Variants in ZFHX3 observed in about 807,000 individuals in gnomAD.
The protein encoded by ZFHX3 is zinc finger homeobox protein 3.
In ZFHX3, 42 loss-of-function variants were observed where a neutral mutation model predicts 279.1. The ratio of observed to expected loss-of-function variants is 0.15; its 90% CI spans 0.12 to 0.19. The LOEUF is 0.19. ZFHX3 is among the 10% of genes least tolerant of loss of function. The pLI, the probability that ZFHX3 is intolerant of heterozygous loss-of-function variation, is 1.00. For missense variants in ZFHX3, 4,981 were observed against 4,754.0 expected (o/e 1.05, Z -1.40); for synonymous variants, 2,293 against 1,957.8 (o/e 1.17, Z -4.52).
intron 5 of ZFHX3, among the ~76,000 whole-genome samples, chr16:73,192,156 C>G (rs1968053287): frequency 6.6e-6 from 1 of 152,162 alleles, no homozygotes; most frequent in South Asian, 2.1e-4. Flanking sequence ...TTCCCTCCAG[C>G]TCTGGAAGTC....
At chr16:73,679,706 T>C (rs1043828550) in intron 2 of ZFHX3, 3 of 152,196 alleles carry the variant, frequency 2.0e-5, no homozygotes, top group African/African-American at 7.2e-5. Context: ...ACAATCAGAA[T>C]CCAGAGTTGT....
In ZFHX3 at chr16:72,798,071, C is replaced by T; in HGVS notation, c.4611G>A (p.Lys1537=). 1 of 1,614,192 alleles carries T rather than the reference C, an allele frequency of 6.2e-7. No individual in the cohort carries two copies. Among genetic ancestry groups the T allele is most frequent in the Non-Finnish European group, 8.5e-7 (1 of 1,180,022 alleles). ...FRKGPNFTME[K]FLDPSRPYKC... The stretch of plus-strand genomic sequence containing the variant: ...TGTAAGGGCGAGAAGGGTCTAGGAA[C>T]TTTTCCATAGTAAAATTGGGACCTT... Residue 1537 remains lysine (K), a synonymous_variant, in exon 9 of 10, where the codon AAG becomes AAA. Transcript: ENST00000268489.
chr16:73,475,257 G>C (rs1431845335), intron 2 of ZFHX3, among the ~76,000 whole-genome samples: 1 of 151,900 alleles, frequency 6.6e-6, no homozygotes, highest in Non-Finnish European at 1.5e-5. Flanking sequence ...CGATATTCGT[G>C]GACTTACAAA....
chr16:73,330,460 G>T (rs574330988), intron 3 of ZFHX3, among the ~76,000 whole-genome samples: 36 of 152,216 alleles, frequency 2.4e-4, no homozygotes, highest in Non-Finnish European at 4.0e-4. Flanking sequence ...TGCATGTGCT[G>T]CAAGACAGTC....
Position 73,439,886 on chromosome 16 carries a change from G to C in ZFHX3, c.-1291+16117C>G, listed in dbSNP as rs137958184. ...AGAGGCCCCTGGCAGCTGACTGTCA[G>C]TGGGGCAGGAAGGGGAGAGGGACAA... On this transcript the variant is annotated intron_variant, in intron 3 of 17. Coordinates refer to the ZFHX3 transcript ENST00000641206. Among the ~76,000 whole-genome samples the C allele has an allele frequency of 7.9e-3, 1,015 of 129,176 alleles. 14 individuals are homozygous for C. Among genetic ancestry groups the C allele is most frequent in the African/African-American group, 0.027 (945 of 35,008 alleles). 84.7% of individuals were successfully genotyped at this position (129,176 alleles called of 152,430 possible).
chr16:73,544,795 G>A lies in ZFHX3; in HGVS notation c.-1546-88537C>T, dbSNP rs149378993. On this transcript the variant is annotated intron_variant, in intron 2 of 17. Coordinates refer to the ZFHX3 transcript ENST00000641206. ...TGGGAGTCACCTCCCAGTCCACCTG[G>A]GGGACACTTCTTCTGGGTTCCCCGG... Among the ~76,000 whole-genome samples, 1,174 of 152,190 alleles carry A rather than the reference G, an allele frequency of 7.7e-3. 5 individuals carry two copies. The highest frequency in any genetic ancestry group is 0.031 in the Middle Eastern group (9 of 294).
At chr16:73,804,326 A>G (rs921010415) in intron 1 of ZFHX3, among the ~76,000 whole-genome samples, 3 of 152,350 alleles carry the variant, frequency 2.0e-5, no homozygotes, top group Admixed American at 6.5e-5. Flanking sequence ...ACTGAAAAAC[A>G]AAAACTACAC....
At chr16:72,892,518 T>A (rs2038798863) in intron 3 of ZFHX3, among the ~76,000 whole-genome samples, 1 of 151,856 alleles carries the variant, frequency 6.6e-6, no homozygotes, top group Non-Finnish European at 1.5e-5. Context: ...TGGTTTTTTT[T>A]TTTTTTTGAG....
intron 1 of ZFHX3, among the ~76,000 whole-genome samples, chr16:73,783,175 C>T (rs1198305099): frequency 6.6e-6 from 1 of 152,168 alleles, no homozygotes; most frequent in African/African-American, 2.4e-5. Flanking sequence ...AGATGAGCCA[C>T]CCCAGGCACA....
At chr16:72,943,089 T>G (rs1396912142) in intron 3 of ZFHX3, among the ~76,000 whole-genome samples, 1 of 152,184 alleles carries the variant, frequency 6.6e-6, no homozygotes, top group Admixed American at 6.5e-5. Flanking sequence ...CGTAAGAGAA[T>G]GGAGAATGAG....
At chr16:73,422,400 A>T (rs1003423294) in intron 3 of ZFHX3, among the ~76,000 whole-genome samples, 1 of 152,174 alleles carries the variant, frequency 6.6e-6, no homozygotes, top group Non-Finnish European at 1.5e-5. Flanking sequence ...CTTTTTTAGT[A>T]ATACCAATTC....
At chr16:73,037,710 C>A (rs1964962798) in intron 1 of ZFHX3, among the ~76,000 whole-genome samples, 1 of 152,092 alleles carries the variant, frequency 6.6e-6, no homozygotes, top group Non-Finnish European at 1.5e-5. Context: ...GTGACACAGC[C>A]CAGGGCACCC....
chr16:73,560,559 T>C (rs1048036584), intron 2 of ZFHX3, among the ~76,000 whole-genome samples: 2 of 152,170 alleles, frequency 1.3e-5, no homozygotes, highest in African/African-American at 2.4e-5. Context: ...ATCATCTTAA[T>C]TGCTAGGCGG....
At chr16:73,009,216 AAAAAG>A (rs1963825942) in intron 1 of ZFHX3, among the ~76,000 whole-genome samples, 1 of 152,282 alleles carries the variant, frequency 6.6e-6, no homozygotes, top group African/African-American at 2.4e-5. Flanking sequence ...GTGCCAAGTT[AAAAAG>A]AAAAGAAAAA....
chr16:73,261,188 T>C (rs2013814331), intron 4 of ZFHX3, among the ~76,000 whole-genome samples: 1 of 152,320 alleles, frequency 6.6e-6, no homozygotes, highest in East Asian at 1.9e-4. Context: ...ATATTATGTA[T>C]CCATAAAAGA....
At chr16:73,035,900 T>C (rs577683364) in intron 1 of ZFHX3, among the ~76,000 whole-genome samples, 21 of 152,236 alleles carry the variant, frequency 1.4e-4, no homozygotes, top group African/African-American at 4.6e-4. Flanking sequence ...TGAGACCCTG[T>C]CTCAAAAACA....
chr16:73,333,087 T>C (rs1260428561), intron 3 of ZFHX3, among the ~76,000 whole-genome samples: 10 of 152,162 alleles, frequency 6.6e-5, no homozygotes, highest in Non-Finnish European at 1.2e-4. Flanking sequence ...TTTAGATAGA[T>C]AGATACATAG....
At chr16:73,770,640 G>A (rs1217740009) in intron 1 of ZFHX3, among the ~76,000 whole-genome samples, 1 of 152,172 alleles carries the variant, frequency 6.6e-6, no homozygotes, top group Non-Finnish European at 1.5e-5. Flanking sequence ...TTGCTATCTG[G>A]AACAAGATAG....
At chr16:73,277,849 A>G (rs1056753277) in intron 4 of ZFHX3, among the ~76,000 whole-genome samples, 10 of 152,200 alleles carry the variant, frequency 6.6e-5, no homozygotes, top group African/African-American at 2.2e-4. Flanking sequence ...GAAGCTTCCA[A>G]TCATGGTGGA....
Sources: allele counts gnomAD v4.1 joint callset (sites outside exome capture counted in the v4.1 genomes callset), GRCh38; gene constraint gnomAD v4.1.1; transcripts MANE v1.5; gene names NCBI Gene and HGNC (gene_info 2026-07-23, HGNC 2026-07-21).